The following MED13L variants were observed in gnomAD, a reference collection of about 807,000 sequenced individuals.
The protein encoded by MED13L is mediator complex subunit 13L, also known as mediator of RNA polymerase II transcription subunit 13-like.
A neutral mutation model predicts 220.9 loss-of-function variants in MED13L; 7 were observed. The ratio of observed to expected loss-of-function variants is 0.03; its 90% CI spans 0.02 to 0.06. The LOEUF is 0.06. Among genes scored for constraint, MED13L ranks in the 10% least tolerant of loss-of-function variants. The pLI is 1.00. For synonymous variants in MED13L, 1,011 were observed against 1,015.2 expected (o/e 1.00, Z 0.08); for missense variants, 1,965 against 2,760.5 (o/e 0.71, Z 6.46).
intron 19 of MED13L, among the ~76,000 whole-genome samples, chr12:115,986,023 G>A (rs1877665859): frequency 6.6e-6 from 1 of 152,156 alleles, no homozygotes; most frequent in Admixed American, 6.5e-5. Context: ...GAACTGATGG[G>A]ATTTTAAGAC....
chr12:116,033,881 A>T (rs1383850509), intron 4 of MED13L, among the ~76,000 whole-genome samples: 1 of 152,128 alleles, frequency 6.6e-6, no homozygotes, highest in East Asian at 1.9e-4. Flanking sequence ...CCTCCTGGCA[A>T]TTACTGTAAA....
intron 27 of MED13L, among the ~76,000 whole-genome samples, chr12:115,970,040 T>C (rs1431666146): frequency 6.6e-6 from 1 of 152,222 alleles, no homozygotes; most frequent in Non-Finnish European, 1.5e-5. Context: ...TCATCCCATT[T>C]ACCATAAATA....
chr12:116,034,356 GAAAT>G (rs1566022380), intron 4 of MED13L, among the ~76,000 whole-genome samples: 1 of 152,004 alleles, frequency 6.6e-6, no homozygotes, highest in Non-Finnish European at 1.5e-5. Flanking sequence ...AGAAGACTCA[GAAAT>G]AAATAAAGCC....
At chr12:115,982,670 G>C in intron 21 of MED13L, 67 bp from the exon 22 acceptor site, 1 of 1,349,158 alleles carries the variant, frequency 7.4e-7, no homozygotes, top group Non-Finnish European at 1.0e-6. Context: ...AAAAACAAAA[G>C]GGCTCAATTC....
Position 115,997,153 on chromosome 12 carries a change from A to T in MED13L, c.2647T>A (p.Tyr883Asn). ...GTCTCTGAGCTGATCCCATCTTTAT[A>T]ATTCATCACAGGAGAAAATGCAGGA... is the stretch of plus-strand genomic sequence containing the variant. ...QHPAFSPVMN[Y>N]KDGISSETVT... Residue 883 changes from tyrosine to asparagine, a missense_variant, in exon 15 of 31, where the codon TAT becomes AAT. Coordinates refer to ENST00000281928, the MANE Select transcript of MED13L (RefSeq NM_015335.5). 1 of 1,614,128 alleles carries T rather than the reference A, an allele frequency of 6.2e-7. No homozygotes were observed. Among genetic ancestry groups the T allele is most frequent in the Non-Finnish European group, 8.5e-7 (1 of 1,179,990 alleles).
chr12:115,991,851 C>T lies in MED13L; in HGVS notation c.3103G>A (p.Ala1035Thr). 1 of 1,609,548 alleles carries T rather than the reference C, an allele frequency of 6.2e-7. No homozygotes were observed. Among genetic ancestry groups the T allele is most frequent in the Middle Eastern group, 1.6e-4 (1 of 6,062 alleles). The change falls in exon 17 of 31, where the codon GCA becomes ACA. Residue 1035 changes from alanine (A) to threonine (T), a missense_variant. Coordinates refer to ENST00000281928, the MANE Select transcript of MED13L (RefSeq NM_015335.5). This position sits in a 1 kb window ranked among gnomAD's most constrained non-coding sequence, Gnocchi z 7.7. ...GTTGCTGGAGATGGTAGGACTCCTG[C>T]CCCACTATTGCTGGCTGGGGCAGCG... ...NSAAPASNSG[A>T]GVLPSPATPR...
At chr12:116,018,348 G>A (rs1879854903) in intron 7 of MED13L, among the ~76,000 whole-genome samples, 1 of 152,140 alleles carries the variant, frequency 6.6e-6, no homozygotes, top group Admixed American at 6.5e-5. Flanking sequence ...CAAGAATTGT[G>A]CTAGAAACTT....
intron 1 of MED13L, chr12:116,276,343 TGTGTGTGTGC>T (rs1394200345): frequency 1.8e-5 from 11 of 608,652 alleles, no homozygotes; most frequent in African/African-American, 5.8e-5. Flanking sequence ...TGTGTGTGTG[TGTGTGTGTGC>T]GGATTCGTTG....
chr12:116,180,527 GA>G (rs780686679), intron 2 of MED13L, among the ~76,000 whole-genome samples: 1 of 152,038 alleles, frequency 6.6e-6, no homozygotes, highest in African/African-American at 2.4e-5. Flanking sequence ...TCCAAAATCT[GA>G]AAAAATCCAA....
At chr12:116,193,438 C>G (rs1300079758) in intron 2 of MED13L, among the ~76,000 whole-genome samples, 1 of 152,166 alleles carries the variant, frequency 6.6e-6, no homozygotes, top group South Asian at 2.1e-4. Flanking sequence ...ACTTTAAACT[C>G]AAGCACAAAT....
chr12:116,028,302 T>C (rs1185543638), intron 4 of MED13L, among the ~76,000 whole-genome samples: 6 of 152,188 alleles, frequency 3.9e-5, no homozygotes, highest in Admixed American at 3.9e-4. Flanking sequence ...TAAATCTTTA[T>C]TACAAGCTCT....
At chr12:116,094,546 T>C (rs936970101) in intron 4 of MED13L, among the ~76,000 whole-genome samples, 1 of 152,222 alleles carries the variant, frequency 6.6e-6, no homozygotes, top group Non-Finnish European at 1.5e-5. Flanking sequence ...ATAATGATAG[T>C]TATTTTTTAC....
At chr12:116,261,813 C>G (rs1205760111) in intron 1 of MED13L, among the ~76,000 whole-genome samples, 1 of 152,152 alleles carries the variant, frequency 6.6e-6, no homozygotes, top group Non-Finnish European at 1.5e-5. Flanking sequence ...ATCACCAAAG[C>G]CTGTCAACTC....
chr12:116,088,007 T>C (rs547467468), intron 4 of MED13L, among the ~76,000 whole-genome samples: 72 of 152,036 alleles, frequency 4.7e-4, no homozygotes, highest in Admixed American at 2.4e-3. Context: ...AAATAACAAC[T>C]ATAAATTATG....
At chr12:116,174,876 G>A (rs961987819) in intron 2 of MED13L, 1 of 152,134 alleles carries the variant, frequency 6.6e-6, no homozygotes, top group African/African-American at 2.4e-5. Flanking sequence ...GACCAGCCTG[G>A]GCAACATAGC....
At chr12:116,020,325 T>G (rs945598628) in intron 5 of MED13L, among the ~76,000 whole-genome samples, 6 of 152,306 alleles carry the variant, frequency 3.9e-5, no homozygotes, top group Non-Finnish European at 8.8e-5. Context: ...GATAGTACAA[T>G]GTTATCAGAC....
At chr12:116,216,823 T>C (rs1883026532) in intron 2 of MED13L, among the ~76,000 whole-genome samples, 1 of 152,198 alleles carries the variant, frequency 6.6e-6, no homozygotes, top group African/African-American at 2.4e-5. Context: ...GACTAATACA[T>C]TACTGTACTT....
intron 4 of MED13L, among the ~76,000 whole-genome samples, chr12:116,035,819 C>T (rs1881159763): frequency 6.6e-6 from 1 of 151,960 alleles, no homozygotes; most frequent in Admixed American, 6.6e-5. Flanking sequence ...TCGAAGGACC[C>T]ACCCACCTCA....
In MED13L at chr12:116,260,483, G is replaced by A. The variant is rs570282103; in HGVS notation, c.72+16577C>T. 3.3e-4 allele frequency among the ~76,000 whole-genome samples: 50 copies of A among 152,186 alleles called. No homozygotes were observed. In the Middle Eastern group the frequency reaches 0.01, roughly 31 times the overall value. ...GGGTATGGAGAGAGAGGCATGGAAC[G>A]AGGAAGGAAAAATTTCTCCAACATG... is the stretch of plus-strand genomic sequence containing the variant. On this transcript the variant is annotated intron_variant, in intron 1 of 30. Transcript: ENST00000281928.
Sources: gnomAD v4.1 joint callset for allele counts (sites outside exome capture counted in the v4.1 genomes callset) on GRCh38, gnomAD v4.1.1 for gene constraint, Gnocchi (gnomAD v3.1) non-coding constraint, MANE v1.5 for transcripts, NCBI Gene and HGNC (gene_info 2026-07-23, HGNC 2026-07-21) for gene names.